The following CYP4F22 variants were observed in gnomAD, a reference collection of about 807,000 sequenced individuals.
CYP4F22 encodes cytochrome P450 family 4 subfamily F member 22.
Under a neutral mutation model 60.4 loss-of-function variants are expected in CYP4F22, and 37 were observed. The ratio of observed to expected loss-of-function variants is 0.61; its 90% CI spans 0.47 to 0.81. The LOEUF (loss-of-function observed/expected upper bound fraction) is 0.81. Among genes scored for constraint, CYP4F22 ranks in the 30% least tolerant of loss-of-function variants. CYP4F22 has a pLI of 0.00. For synonymous variants in CYP4F22, 258 were observed against 280.5 expected, an observed-to-expected ratio of 0.92 and a Z score of 0.80; for missense variants, 655 against 715.0, an observed-to-expected ratio of 0.92 and a Z score of 0.96.
chr19:15,520,496 C>T (rs747524464), intron 1 of CYP4F22, among the ~76,000 whole-genome samples: 31 of 151,318 alleles, frequency 2.0e-4, no homozygotes, highest in Admixed American at 5.9e-4. Flanking sequence ...AAAACTCCAG[C>T]GTAAACAATG....
At chr19:15,511,607 A>G (rs948845390) in intron 1 of CYP4F22, among the ~76,000 whole-genome samples, 6 of 152,188 alleles carry the variant, frequency 3.9e-5, no homozygotes, top group African/African-American at 1.2e-4. Flanking sequence ...AGGTGGCACC[A>G]TGAATCAGTG....
chr19:15,551,316 G>T lies in CYP4F22; in HGVS notation c.1441G>T (p.Ala481Ser), dbSNP rs1287004723. ...CAGGAATTGCATCGGACAGAGCTTC[G>T]CCATGGCCGAGTTGCGCGTGGTTGT... The part of the protein sequence containing the change: ...GPRNCIGQSF[A>S]MAELRVVVAL... Residue 481 changes from alanine to serine, a missense_variant, in exon 14 of 14, where the codon GCC becomes TCC. Ala to Ser is a moderately conservative substitution (Grantham distance 99). Around this residue, in one of 3 missense-constraint regions of CYP4F22, gnomAD observed 151 missense variants for 139.4 expected, o/e 1.08. Coordinates refer to ENST00000269703, the MANE Select transcript of CYP4F22 (RefSeq NM_173483.4). 3 of 1,613,256 alleles carry T rather than the reference G, an allele frequency of 1.9e-6. No homozygotes were observed. The highest frequency in any genetic ancestry group is 3.3e-5 in the Admixed American group (2 of 59,932).
chr19:15,539,451 C>T (rs1273532), intron 7 of CYP4F22, among the ~76,000 whole-genome samples: 129,856 of 152,256 alleles, frequency 0.85, 55,785 homozygotes, highest in African/African-American at 0.95. Context: ...TCGATGGACA[C>T]TGTTTCCACT....
chr19:15,547,007 G>T (rs970416342), intron 10 of CYP4F22, among the ~76,000 whole-genome samples: 2 of 107,710 alleles, frequency 1.9e-5, no homozygotes, highest in African/African-American at 7.9e-5. Context: ...CACCATGCCT[G>T]GCCTGCACCA....
At chr19:15,530,367 C>T (rs1288360825) in intron 4 of CYP4F22, among the ~76,000 whole-genome samples, 1 of 152,188 alleles carries the variant, frequency 6.6e-6, no homozygotes, top group Non-Finnish European at 1.5e-5. Flanking sequence ...CAGCCTTCAA[C>T]ACCCAGCTCC....
chr19:15,537,603 C>T lies in CYP4F22; in HGVS notation c.490C>T (p.His164Tyr), dbSNP rs1971412241. 4 of 1,614,034 alleles carry T rather than the reference C, an allele frequency of 2.5e-6. No individual in the cohort carries two copies. Among genetic ancestry groups the T allele is most frequent in the Admixed American group, 1.7e-5 (1 of 60,004 alleles). ...CCGTCGCCTGCTGACACCCGCCTTC[C>T]ACTTTGACATCCTGAAGCCTTACAT... ...RHRRLLTPAFHFDILKPYMKI... is the reference protein window; with the variant it reads ...RHRRLLTPAFYFDILKPYMKI... Residue 164 changes from histidine to tyrosine, a missense_variant, in exon 6 of 14, where the codon CAC becomes TAC. His to Tyr is a moderately conservative substitution (Grantham distance 83). Around this residue, in one of 3 missense-constraint regions of CYP4F22, gnomAD observed 430 missense variants for 457.1 expected, o/e 0.94. Transcript: ENST00000269703.
At position 15,537,532 on chromosome 19, in the gene CYP4F22, C is replaced by T. The variant is rs1971410482; in HGVS notation, c.422-3C>T. 1.9e-6 allele frequency: 3 copies of T among 1,614,040 alleles called. No homozygotes were observed. In the South Asian group the frequency reaches 3.3e-5, roughly 18 times the overall value. On this transcript the variant is annotated splice_region_variant and splice_polypyrimidine_tract_variant and intron_variant, in intron 5 of 13. Transcript: ENST00000269703. ...GTCCCTAACCTCAGTCTTCTGGGCCCAGGGGATGGGCTGCTGCTCAGCAAA... is the reference window on the plus strand; with the variant it reads ...GTCCCTAACCTCAGTCTTCTGGGCCTAGGGGATGGGCTGCTGCTCAGCAAA...
chr19:15,547,993 GAGGGA>G, intron 10 of CYP4F22, 110 bp from the exon 11 acceptor site: 1 of 146,126 alleles, frequency 6.8e-6, no homozygotes, highest in Admixed American at 1.2e-4. Context: ...GAGAGAGAGA[GAGGGA>G]GAGAGTGTGT....
chr19:15,542,795 A>T (rs1047495453), intron 8 of CYP4F22, among the ~76,000 whole-genome samples: 19 of 152,256 alleles, frequency 1.2e-4, no homozygotes, highest in African/African-American at 4.6e-4. Flanking sequence ...ATAAGTGGGA[A>T]CATGTGGTGT....
intron 11 of CYP4F22, among the ~76,000 whole-genome samples, chr19:15,548,469 T>A (rs1031332924): frequency 6.6e-6 from 1 of 152,062 alleles, no homozygotes; most frequent in African/African-American, 2.4e-5. Flanking sequence ...GTCGCAGGGA[T>A]GGGCCTGTGA....
At chr19:15,511,418 C>T (rs1568351550) in intron 1 of CYP4F22, among the ~76,000 whole-genome samples, 2 of 152,092 alleles carry the variant, frequency 1.3e-5, no homozygotes, top group East Asian at 3.9e-4. Flanking sequence ...AAGATCACAC[C>T]ACTGCACTCC....
At position 15,551,448 on chromosome 19, in the gene CYP4F22, G is replaced by A; in HGVS notation, c.1573G>A (p.Glu525Lys). 1.3e-6 allele frequency: 2 copies of A among 1,571,218 alleles called. No individual in the cohort carries two copies. The highest frequency in any genetic ancestry group is 1.7e-6 in the Non-Finnish European group (2 of 1,158,834). The change falls in exon 14 of 14, where the codon GAG becomes AAG. Residue 525 changes from glutamate (E) to lysine (K), a missense_variant. By Grantham distance (56) the Glu-to-Lys change is moderately conservative. Around this residue, in one of 3 missense-constraint regions of CYP4F22, gnomAD observed 151 missense variants for 139.4 expected, o/e 1.08. Transcript: ENST00000269703. ...RTENGLWLKV[E>K]PLPPRA ...GGAGAACGGGCTCTGGCTCAAGGTG[G>A]AGCCGCTGCCTCCGCGGGCCTGAGC...
At position 15,525,331 on chromosome 19, in the gene CYP4F22, C is replaced by A. The variant is rs765396227; in HGVS notation, c.-1-5C>A. On this transcript the variant is annotated splice_polypyrimidine_tract_variant and splice_region_variant and intron_variant, in intron 2 of 13. Transcript: ENST00000269703. ...CACCGACCCCCTGACCCTGTGTGTCCCCAGGATGCTGCCCATCACAGACCG... is the reference window on the plus strand; with the variant it reads ...CACCGACCCCCTGACCCTGTGTGTCACCAGGATGCTGCCCATCACAGACCG... The A allele has an allele frequency of 5.0e-6, 8 of 1,612,714 alleles. No homozygotes were observed. The African/African-American group carries it at 9.3e-5, about 19-fold the overall frequency.
chr19:15,510,966 A>ATATATATT (rs34055543), intron 1 of CYP4F22, among the ~76,000 whole-genome samples: 8 of 103,308 alleles, frequency 7.7e-5, no homozygotes, highest in South Asian at 6.6e-4. Flanking sequence ...ATATATATAT[A>ATATATATT]TTTTTTTTTT....
chr19:15,523,872 C>A (rs1366990626), intron 2 of CYP4F22, 73 bp downstream of exon 2: 1 of 151,938 alleles, frequency 6.6e-6, no homozygotes, highest in Admixed American at 6.6e-5. Context: ...TAGAAACAGC[C>A]CAAATGTCTG....
At chr19:15,530,521 C>G (rs933475243) in intron 4 of CYP4F22, among the ~76,000 whole-genome samples, 1 of 152,118 alleles carries the variant, frequency 6.6e-6, no homozygotes, top group Non-Finnish European at 1.5e-5. Flanking sequence ...GCCTTGTGTA[C>G]CTGGTGTATT....
intron 1 of CYP4F22, among the ~76,000 whole-genome samples, chr19:15,521,722 G>T (rs577031080): frequency 2.0e-5 from 3 of 152,134 alleles, no homozygotes; most frequent in African/African-American, 7.2e-5. Flanking sequence ...CCAGGCTGGG[G>T]TGCAGTCGCA....
intron 10 of CYP4F22, among the ~76,000 whole-genome samples, chr19:15,547,796 T>C (rs1971543342): frequency 6.7e-6 from 1 of 149,066 alleles, no homozygotes; most frequent in African/African-American, 2.5e-5. Flanking sequence ...TGTTCTAGCC[T>C]GGGCAACAAG....
At chr19:15,514,213 C>A (rs1344116056) in intron 1 of CYP4F22, among the ~76,000 whole-genome samples, 7 of 152,092 alleles carry the variant, frequency 4.6e-5, no homozygotes, top group Non-Finnish European at 4.4e-5. Flanking sequence ...TCAGCTGAAC[C>A]ATAGGGCACG....
Sources: gnomAD v4.1 joint callset for allele counts (sites outside exome capture counted in the v4.1 genomes callset) on GRCh38, gnomAD v4.1.1 for gene constraint, gnomAD v4.1.1 regional missense constraint, MANE v1.5 for transcripts, NCBI Gene and HGNC (gene_info 2026-07-23, HGNC 2026-07-21) for gene names.